IFFO2: variants seen among roughly 807,000 people sequenced by gnomAD.
IFFO2 encodes the protein intermediate filament family orphan 2.
IFFO2 carries 19 observed loss-of-function variants against 53.5 expected under a neutral mutation model. The ratio of observed to expected loss-of-function variants is 0.36; its 90% CI spans 0.25 to 0.52. The LOEUF (loss-of-function observed/expected upper bound fraction) is 0.52, where lower values mean the gene tolerates loss of function less well. Ranked by LOEUF, IFFO2 falls within the 20% of genes least tolerant of loss-of-function variation. The pLI is 0.94. For missense variants in IFFO2, 570 were observed against 727.4 expected (o/e 0.78, Z 2.49); for synonymous variants, 303 against 313.6 (o/e 0.97, Z 0.36).
chr1:18,935,048 G>A (rs967582537), intron 1 of IFFO2, among the ~76,000 whole-genome samples: 3 of 152,174 alleles, frequency 2.0e-5, no homozygotes, highest in African/African-American at 4.8e-5. Context: ...TAGAGAGAAC[G>A]CTCTCTGGCA....
intron 1 of IFFO2, among the ~76,000 whole-genome samples, chr1:18,927,219 C>T (rs1936313757): frequency 6.6e-6 from 1 of 152,222 alleles, no homozygotes. Flanking sequence ...GCATGGCTGC[C>T]TCCCACCTCC....
In IFFO2 at chr1:18,908,265, G is replaced by A. The variant is rs1935979722; in HGVS notation, c.*296C>T. 2.6e-6 allele frequency: 1 copy of A among 388,208 alleles called. No homozygotes were observed. The highest frequency in any genetic ancestry group is 2.1e-5 in the African/African-American group (1 of 48,740). 24.0% of individuals were successfully genotyped at this position (388,208 alleles called of 1,614,324 possible). A position where few individuals can be genotyped will look rare whatever the true frequency, so the allele number is the denominator to read the frequency against. Reference sequence around the variant, plus strand: ...GAGCTCAAAGTGGCTCAGCTTAAGGGAGAAGGCACAGTTAACACTGCAAAG... The same window carrying A: ...GAGCTCAAAGTGGCTCAGCTTAAGGAAGAAGGCACAGTTAACACTGCAAAG... On this transcript the variant is annotated 3_prime_UTR_variant, in exon 9 of 9. Coordinates refer to ENST00000455833, the MANE Select transcript of IFFO2 (RefSeq NM_001136265.2).
intron 1 of IFFO2, among the ~76,000 whole-genome samples, chr1:18,930,714 G>T (rs1259562700): frequency 6.6e-6 from 1 of 152,212 alleles, no homozygotes; most frequent in Non-Finnish European, 1.5e-5. Context: ...CAGGCCAGCT[G>T]CTGGCTCTTT....
chr1:18,946,409 CTTTTTTTT>C (rs71577809), intron 1 of IFFO2, among the ~76,000 whole-genome samples: 1 of 96,542 alleles, frequency 1.0e-5, no homozygotes, highest in East Asian at 3.1e-4. Flanking sequence ...TTGCCACTTT[CTTTTTTTT>C]TTTTTTTTTT....
At chr1:18,933,092 C>T (rs186828149) in intron 1 of IFFO2, among the ~76,000 whole-genome samples, 1 of 152,362 alleles carries the variant, frequency 6.6e-6, no homozygotes, top group East Asian at 1.9e-4. Context: ...GCTGGGGACA[C>T]AGAAGTGGAT....
At chr1:18,910,301 A>C in intron 8 of IFFO2, 41 bp downstream of exon 8, 1 of 1,567,466 alleles carries the variant, frequency 6.4e-7, no homozygotes, top group Non-Finnish European at 8.6e-7. Context: ...TTCCCCTCCA[A>C]GGATGCCATA....
chr1:18,912,135 A>T, intron 5 of IFFO2, 52 bp from the exon 6 acceptor site: 2 of 1,549,256 alleles, frequency 1.3e-6, no homozygotes, highest in Non-Finnish European at 1.7e-6. Context: ...GGCTCCAGGG[A>T]CCCATACAGG....
At chr1:18,930,035 G>A (rs1265274091) in intron 1 of IFFO2, among the ~76,000 whole-genome samples, 5 of 152,126 alleles carry the variant, frequency 3.3e-5, no homozygotes, top group African/African-American at 1.2e-4. Flanking sequence ...TAGTGGAGAG[G>A]GGAGCAGGGA....
At chr1:18,931,755 C>A (rs1424345262) in intron 1 of IFFO2, among the ~76,000 whole-genome samples, 1 of 152,224 alleles carries the variant, frequency 6.6e-6, no homozygotes, top group East Asian at 1.9e-4. Context: ...AAGGTCAAAT[C>A]CAGGTCCATA....
chr1:18,926,587 G>C (rs919044875), intron 1 of IFFO2, among the ~76,000 whole-genome samples: 2 of 152,208 alleles, frequency 1.3e-5, no homozygotes, highest in Non-Finnish European at 2.9e-5. Flanking sequence ...ACCCCAGCCA[G>C]ATGTGGTCTC....
In IFFO2 at chr1:18,904,378, T is replaced by C. The variant is rs1435010144; in HGVS notation, c.*4183A>G. On this transcript the variant is annotated 3_prime_UTR_variant, in exon 9 of 9. Coordinates refer to ENST00000455833, the MANE Select transcript of IFFO2 (RefSeq NM_001136265.2). The stretch of plus-strand genomic sequence containing the variant: ...GTACAGTAAACAGGTTGGTTTCCGG[T>C]AGGATCAGTAGTCTTTCCATGAGTA... The C allele has an allele frequency of 6.6e-6, 1 of 152,198 alleles. No homozygotes were observed. 9.4% of individuals were successfully genotyped at this position (152,198 alleles called of 1,614,324 possible).
Position 18,925,999 on chromosome 1 carries a change from GA to G in IFFO2, c.666-4879del, listed in dbSNP as rs1484477534. 3.1e-4 allele frequency among the ~76,000 whole-genome samples: 29 copies of G among 93,474 alleles called. 1 individual carries two copies. Among genetic ancestry groups the G allele is most frequent in the African/African-American group, 1.3e-3 (27 of 20,206 alleles). The allele number at this position is 93,474 out of a possible 152,430, so 61.3% of individuals were successfully genotyped here. A position where few individuals can be genotyped will look rare whatever the true frequency, so the allele number is the denominator to read the frequency against. Reference sequence around the variant, plus strand: ...GGATGGATGGATGGATGGATGGATGGATTGGTTGGATGGATGGATGGATGGA... The same window carrying G: ...GGATGGATGGATGGATGGATGGATGGTTGGTTGGATGGATGGATGGATGGA... On this transcript the variant is annotated intron_variant, in intron 1 of 8. Transcript: ENST00000455833.
intron 6 of IFFO2, 70 bp from the exon 7 acceptor site, chr1:18,911,546 T>TATTC (rs993290933): frequency 3.3e-5 from 23 of 695,812 alleles, no homozygotes; most frequent in Non-Finnish European, 4.3e-5. Context: ...TTTATTTATT[T>TATTC]ATTTATTCTT....
chr1:18,949,359 C>CG (rs1262293467), intron 1 of IFFO2, among the ~76,000 whole-genome samples: 1 of 152,204 alleles, frequency 6.6e-6, no homozygotes, highest in Non-Finnish European at 1.5e-5. Flanking sequence ...GTTACAACTC[C>CG]GGGTGTGGGG....
intron 1 of IFFO2, among the ~76,000 whole-genome samples, chr1:18,939,353 C>A (rs1488907621): frequency 1.3e-5 from 2 of 152,228 alleles, no homozygotes; most frequent in Non-Finnish European, 2.9e-5. Context: ...ATCAAGCCCC[C>A]TGCCCAAACC....
intron 1 of IFFO2, among the ~76,000 whole-genome samples, chr1:18,952,548 T>C (rs939748738): frequency 2.0e-5 from 3 of 152,204 alleles, no homozygotes; most frequent in Non-Finnish European, 1.5e-5. Flanking sequence ...TACAAATACA[T>C]GCTACAACAT....
intron 5 of IFFO2, among the ~76,000 whole-genome samples, chr1:18,915,912 G>C: frequency 6.6e-6 from 1 of 151,838 alleles, no homozygotes; most frequent in Non-Finnish European, 1.5e-5. Flanking sequence ...ATCACTGGAG[G>C]TCAGGAGTTC....
Position 18,908,682 on chromosome 1 carries a change from G to C in IFFO2, c.1449-16C>G, listed in dbSNP as rs1935988447. Reference sequence around the variant, plus strand: ...CGGTGAATTCCTGAGAAGCACAAGAGAGTGGGGAAATTCAGAGAGCAGCCC... The same window carrying C: ...CGGTGAATTCCTGAGAAGCACAAGACAGTGGGGAAATTCAGAGAGCAGCCC... On this transcript the variant is annotated splice_polypyrimidine_tract_variant and intron_variant, in intron 8 of 8. Coordinates refer to ENST00000455833, the MANE Select transcript of IFFO2 (RefSeq NM_001136265.2). 2 of 1,539,504 alleles carry C rather than the reference G, an allele frequency of 1.3e-6. No individual in the cohort carries two copies. The highest frequency in any genetic ancestry group is 8.8e-7 in the Non-Finnish European group (1 of 1,136,034).
chr1:18,955,810 C>T lies in IFFO2; in HGVS notation c.523G>A (p.Val175Met). The stretch of plus-strand genomic sequence containing the variant: ...ACGCCGGGGCCCTGCACGGTCTCCA[C>T]GCCGCCGCCGCCCGTGCGCCGCACC... ...TQVRRTGGGGVETVQGPGVSW... is the reference protein window; with the variant it reads ...TQVRRTGGGGMETVQGPGVSW... The change falls in exon 1 of 9, where the codon GTG becomes ATG. Residue 175 changes from valine (V) to methionine (M), a missense_variant. By Grantham distance (21) the Val-to-Met change is conservative. Transcript: ENST00000455833. 1.3e-6 allele frequency: 2 copies of T among 1,522,702 alleles called. No homozygotes were observed. Among genetic ancestry groups the T allele is most frequent in the Non-Finnish European group, 1.8e-6 (2 of 1,141,958 alleles). The allele number at this position is 1,522,702 out of a possible 1,614,324, so 94.3% of individuals were successfully genotyped here. A position where few individuals can be genotyped will look rare whatever the true frequency, so the allele number is the denominator to read the frequency against.
Sources: gnomAD v4.1 joint callset for allele counts (sites outside exome capture counted in the v4.1 genomes callset) on GRCh38, gnomAD v4.1.1 for gene constraint, MANE v1.5 for transcripts, NCBI Gene and HGNC (gene_info 2026-07-23, HGNC 2026-07-21) for gene names.